Variants in CA8 observed in about 807,000 individuals in gnomAD.
CA8 encodes carbonic anhydrase 8 (inactive).
A neutral mutation model predicts 41.4 loss-of-function variants in CA8; 22 were observed. The observed-to-expected ratio is 0.53, with a 90% CI of 0.38 to 0.76. CA8 has a LOEUF of 0.76. Ranked by LOEUF, CA8 falls within the 30% of genes least tolerant of loss-of-function variation. The pLI is 0.00. For synonymous variants in CA8, 121 were observed against 130.6 expected (o/e 0.93, Z 0.50); for missense variants, 270 against 352.8 (o/e 0.77, Z 1.88).
At chr8:60,256,918 CCATT>C (rs1250019676) in intron 3 of CA8, among the ~76,000 whole-genome samples, 3 of 152,072 alleles carry the variant, frequency 2.0e-5, no homozygotes, top group Non-Finnish European at 4.4e-5. Context: ...ATTATTTTCT[CCATT>C]CATACTCTCT....
chr8:60,207,146 G>T (rs1021568876), intron 8 of CA8, among the ~76,000 whole-genome samples: 1 of 152,066 alleles, frequency 6.6e-6, no homozygotes, highest in African/African-American at 2.4e-5. Context: ...CCATGTCGTG[G>T]TGAAGAAAAA....
chr8:60,194,951 T>A (rs1806238047), intron 8 of CA8, among the ~76,000 whole-genome samples: 1 of 152,238 alleles, frequency 6.6e-6, no homozygotes, highest in Non-Finnish European at 1.5e-5. Context: ...AAATATAAGT[T>A]CATTTTTATG....
chr8:60,209,519 T>G (rs2130425928), intron 7 of CA8, among the ~76,000 whole-genome samples: 1 of 152,302 alleles, frequency 6.6e-6, no homozygotes, highest in African/African-American at 2.4e-5. Context: ...CCCAAAAAGG[T>G]TTTATGCCTA....
intron 7 of CA8, among the ~76,000 whole-genome samples, chr8:60,215,358 T>TACACACACACAC (rs144232916): frequency 2.8e-5 from 4 of 144,102 alleles, no homozygotes; most frequent in East Asian, 2.1e-4. Flanking sequence ...TGTGTGTGTA[T>TACACACACACAC]ACACACACAC....
chr8:60,187,309 A>G lies in CA8; in HGVS notation c.*2712T>C, dbSNP rs1805991580. On this transcript the variant is annotated 3_prime_UTR_variant, in exon 9 of 9. Coordinates refer to ENST00000317995, the MANE Select transcript of CA8 (RefSeq NM_004056.6). ...ACAAAAACATGGCATACCAAAACTT[A>G]TTGGATGCAGCTAAAGCAATGCTCA... The G allele has an allele frequency of 6.6e-6, 1 of 152,146 alleles. No individual in the cohort carries two copies. Among genetic ancestry groups the G allele is most frequent in the Non-Finnish European group, 1.5e-5 (1 of 67,980 alleles). The allele number at this position is 152,146 out of a possible 1,614,324, so 9.4% of individuals were successfully genotyped here.
At position 60,189,300 on chromosome 8, in the gene CA8, C is replaced by A. The variant is rs1356715391; in HGVS notation, c.*721G>T. On this transcript the variant is annotated 3_prime_UTR_variant, in exon 9 of 9. Coordinates refer to ENST00000317995, the MANE Select transcript of CA8 (RefSeq NM_004056.6). ...GACCTTCTTTTTATCCTATTTCTTA[C>A]ACCTTTCTCAAATTCCTATTAAACC... The A allele has an allele frequency of 6.6e-6, 1 of 152,128 alleles. No individual in the cohort carries two copies. Among genetic ancestry groups the A allele is most frequent in the Non-Finnish European group, 1.5e-5 (1 of 68,016 alleles). The allele number at this position is 152,128 out of a possible 1,614,324, so 9.4% of individuals were successfully genotyped here.
chr8:60,199,208 A>C (rs1344086115), intron 8 of CA8, among the ~76,000 whole-genome samples: 1 of 152,250 alleles, frequency 6.6e-6, no homozygotes, highest in Non-Finnish European at 1.5e-5. Flanking sequence ...AGAATATCTC[A>C]TAAAAGATTT....
At position 60,232,314 on chromosome 8, in the gene CA8, G is replaced by C. The variant is rs770513940; in HGVS notation, c.483C>G (p.His161Gln). The change falls in exon 4 of 9, where the codon CAC (histidine) becomes CAG (glutamine). Residue 161 changes from histidine to glutamine, a missense_variant. Coordinates refer to ENST00000317995, the MANE Select transcript of CA8 (RefSeq NM_004056.6). ...GSIDEAVGKPHGIAIIALFVQ... is the reference protein window; with the variant it reads ...GSIDEAVGKPQGIAIIALFVQ... Reference sequence around the variant, plus strand: ...CAAACAGAGCAATGATGGCGATTCCGTGCGGCTTCCCCACAGCCTCATCAA... The same window carrying C: ...CAAACAGAGCAATGATGGCGATTCCCTGCGGCTTCCCCACAGCCTCATCAA... 2.5e-6 allele frequency: 4 copies of C among 1,613,686 alleles called. No individual in the cohort carries two copies. Among genetic ancestry groups the C allele is most frequent in the African/African-American group, 1.3e-5 (1 of 74,890 alleles).
intron 7 of CA8, 44 bp from the exon 8 acceptor site, chr8:60,208,963 C>T: frequency 6.3e-7 from 1 of 1,595,390 alleles, no homozygotes; most frequent in African/African-American, 1.3e-5. Flanking sequence ...AATTATCGGA[C>T]ATTAACAAGA....
In CA8 at chr8:60,243,747, C is replaced by G. The variant is rs747107063; in HGVS notation, c.418-11368G>C. On this transcript the variant is annotated intron_variant, in intron 3 of 8. Coordinates refer to ENST00000317995, the MANE Select transcript of CA8 (RefSeq NM_004056.6). ...CTTGCCTGTCTTTCTCACACTGCCC[C>G]TTCCCCTGGGTTTCGTGGTGCCACA... Among the ~76,000 whole-genome samples, 5 of 152,334 alleles carry G rather than the reference C, an allele frequency of 3.3e-5. No individual in the cohort carries two copies. The Middle Eastern group carries it at 0.017, about 518-fold the overall frequency.
Position 60,226,940 on chromosome 8 carries a change from A to C in CA8, c.514-5T>G, listed in dbSNP as rs1331160280. On this transcript the variant is annotated splice_region_variant and splice_polypyrimidine_tract_variant and intron_variant, in intron 4 of 8. Coordinates refer to ENST00000317995, the MANE Select transcript of CA8 (RefSeq NM_004056.6). ...GCCAACATGTTCCTTTCCTATCTGAAAAACATAAAGCATAAACCACAACCA... is the reference window on the plus strand; with the variant it reads ...GCCAACATGTTCCTTTCCTATCTGACAAACATAAAGCATAAACCACAACCA... 8 of 1,597,198 alleles carry C rather than the reference A, an allele frequency of 5.0e-6. No homozygotes were observed. The highest frequency in any genetic ancestry group is 6.9e-6 in the Non-Finnish European group (8 of 1,165,050).
chr8:60,204,121 C>T (rs1400100046), intron 8 of CA8, among the ~76,000 whole-genome samples: 1 of 152,194 alleles, frequency 6.6e-6, no homozygotes, highest in Non-Finnish European at 1.5e-5. Context: ...TTCTTGGAGC[C>T]TCTAGAAATA....
chr8:60,276,680 A>C (rs2130629981), intron 2 of CA8, among the ~76,000 whole-genome samples: 2 of 152,344 alleles, frequency 1.3e-5, no homozygotes, highest in African/African-American at 4.8e-5. Flanking sequence ...TGACAGTTAC[A>C]CTAAAAGCCC....
chr8:60,185,953 T>C lies in CA8; in HGVS notation c.*4068A>G, dbSNP rs896343058. On this transcript the variant is annotated 3_prime_UTR_variant, in exon 9 of 9. Transcript: ENST00000317995. ...AAGAGCAATTGTATAAAATATCATG[T>C]AATTATGCTTTAGACCCAGAACATA... is the stretch of plus-strand genomic sequence containing the variant. Among the ~76,000 whole-genome samples the C allele has an allele frequency of 6.6e-6, 1 of 152,004 alleles. No individual in the cohort carries two copies. Among genetic ancestry groups the C allele is most frequent in the Non-Finnish European group, 1.5e-5 (1 of 67,942 alleles).
At chr8:60,276,839 C>T (rs1804252863) in intron 2 of CA8, among the ~76,000 whole-genome samples, 1 of 152,176 alleles carries the variant, frequency 6.6e-6, no homozygotes, top group Non-Finnish European at 1.5e-5. Context: ...CTGGCCTCGT[C>T]CAGGTGCTGT....
intron 3 of CA8, among the ~76,000 whole-genome samples, chr8:60,235,764 G>A (rs541540491): frequency 1.3e-5 from 2 of 152,118 alleles, no homozygotes; most frequent in Non-Finnish European, 2.9e-5. Flanking sequence ...ACAGCTAGAG[G>A]GGTCAGACAG....
chr8:60,244,874 T>C (rs763798724), intron 3 of CA8, among the ~76,000 whole-genome samples: 26 of 152,146 alleles, frequency 1.7e-4, no homozygotes, highest in Admixed American at 1.2e-3. Context: ...TCAGAACCTG[T>C]TTATTAGAAA....
At chr8:60,244,517 T>C (rs1422648952) in intron 3 of CA8, among the ~76,000 whole-genome samples, 1 of 152,202 alleles carries the variant, frequency 6.6e-6, no homozygotes. Flanking sequence ...ATTAGAGTAA[T>C]AAGCTCTTTT....
intron 7 of CA8, among the ~76,000 whole-genome samples, chr8:60,218,130 A>G (rs963878361): frequency 6.6e-6 from 1 of 152,100 alleles, no homozygotes; most frequent in African/African-American, 2.4e-5. Flanking sequence ...GCCAGACACA[A>G]GCATACAGAC....
Sources: gnomAD v4.1 joint callset for allele counts (sites outside exome capture counted in the v4.1 genomes callset) on GRCh38, gnomAD v4.1.1 for gene constraint, MANE v1.5 for transcripts, NCBI Gene and HGNC (gene_info 2026-07-23, HGNC 2026-07-21) for gene names.